The following ATP8B4 variants were observed in gnomAD, a reference collection of about 807,000 sequenced individuals.
The protein encoded by ATP8B4 is ATPase phospholipid transporting 8B4 (putative).
In ATP8B4, 133 loss-of-function variants were observed where a neutral mutation model predicts 145.6. That is an observed-to-expected ratio of 0.91 (90% confidence interval 0.79 to 1.05). The LOEUF is 1.05. ATP8B4 is among the 50% of genes least tolerant of loss of function. The pLI is 0.00. For missense variants in ATP8B4, 1,458 were observed against 1,425.2 expected (o/e 1.02, Z -0.37); for synonymous variants, 507 against 492.9 (o/e 1.03, Z -0.38).
chr15:50,011,258 A>C (rs1206756610), intron 6 of ATP8B4, among the ~76,000 whole-genome samples: 1 of 152,214 alleles, frequency 6.6e-6, no homozygotes, highest in Non-Finnish European at 1.5e-5. Context: ...CTCGATTGAT[A>C]AATACAGAAA....
intron 14 of ATP8B4, among the ~76,000 whole-genome samples, chr15:49,940,298 C>T (rs1372882280): frequency 1.3e-5 from 2 of 152,056 alleles, no homozygotes; most frequent in African/African-American, 2.4e-5. Context: ...TGTAAGAGCA[C>T]AAAATCAAAC....
At chr15:49,891,537 G>A (rs1566938515) in intron 23 of ATP8B4, among the ~76,000 whole-genome samples, 2 of 152,056 alleles carry the variant, frequency 1.3e-5, no homozygotes, top group Non-Finnish European at 2.9e-5. Context: ...CGTTGGCCAG[G>A]CTGGTCTCAA....
At chr15:49,861,472 A>ACC (rs1181585683) in intron 27 of ATP8B4, among the ~76,000 whole-genome samples, 1,726 of 148,984 alleles carry the variant, frequency 0.012, 24 homozygotes, top group African/African-American at 0.034. Context: ...CTATCTATCT[A>ACC]TCTACCTACC....
chr15:49,934,417 T>C (rs1489238750), intron 14 of ATP8B4, among the ~76,000 whole-genome samples: 1 of 151,984 alleles, frequency 6.6e-6, no homozygotes, highest in Non-Finnish European at 1.5e-5. Context: ...CACAAAACTA[T>C]ATGGGATGGC....
chr15:50,180,113 A>G (rs188026136), intron 1 of ATP8B4, among the ~76,000 whole-genome samples: 39 of 152,332 alleles, frequency 2.6e-4, no homozygotes, highest in Admixed American at 2.1e-3. Context: ...GATTGGCTTA[A>G]AACAACTAGC....
At chr15:49,988,341 A>C (rs1291979400) in intron 9 of ATP8B4, among the ~76,000 whole-genome samples, 1 of 152,202 alleles carries the variant, frequency 6.6e-6, no homozygotes, top group African/African-American at 2.4e-5. Context: ...CCCTGCCACA[A>C]AACATAACTA....
chr15:49,897,369 A>G lies in ATP8B4; in HGVS notation c.2620T>C (p.Cys874Arg), dbSNP rs74012834. The G allele has an allele frequency of 5.2e-3, 8,340 of 1,614,044 alleles. 52 individuals are homozygous for G. The highest frequency in any genetic ancestry group is 0.017 in the Middle Eastern group (105 of 6,060). Residue 874 changes from cysteine to arginine, a missense_variant, in exon 23 of 28, where the codon TGC becomes CGC. Transcript: ENST00000284509. ...WSYFRMCKFL[C>R]YFFYKNFAFT... ...GCAAAATTCTTATAGAAGAAATAGCATAAGAATTTGCACATTCGGAAATAA... is the reference window on the plus strand; with the variant it reads ...GCAAAATTCTTATAGAAGAAATAGCGTAAGAATTTGCACATTCGGAAATAA...
chr15:50,170,250 A>G (rs2044651280), intron 1 of ATP8B4, among the ~76,000 whole-genome samples: 1 of 152,182 alleles, frequency 6.6e-6, no homozygotes, highest in Admixed American at 6.5e-5. Flanking sequence ...GATGAAGAAA[A>G]GAATCCTAAG....
intron 20 of ATP8B4, among the ~76,000 whole-genome samples, chr15:49,914,781 G>C (rs1265858549): frequency 6.6e-6 from 1 of 152,048 alleles, no homozygotes; most frequent in Non-Finnish European, 1.5e-5. Context: ...TTTTATTTCA[G>C]CTAGAATAGC....
At chr15:50,041,183 C>T (rs1464549004) in intron 5 of ATP8B4, among the ~76,000 whole-genome samples, 1 of 152,148 alleles carries the variant, frequency 6.6e-6, no homozygotes, top group East Asian at 1.9e-4. Flanking sequence ...TAAATGAGTA[C>T]CATTTCCCTG....
chr15:49,865,788 C>T (rs997517173), intron 26 of ATP8B4, among the ~76,000 whole-genome samples: 2 of 152,164 alleles, frequency 1.3e-5, no homozygotes, highest in Non-Finnish European at 2.9e-5. Flanking sequence ...GAAACTTGCC[C>T]AAAGTCACAC....
rs766971164 is a variant in ATP8B4 at position 49,898,206 on chromosome 15, C to T, written c.2335G>A (p.Ala779Thr). Reference protein sequence around the residue: ...SDVKNDLLELACMCKTVICCR... With the variant: ...SDVKNDLLELTCMCKTVICCR... ...CAAATTACAGTCTTACACATGCAAG[C>T]AAGTTCTAGGAGATCATTCTTGACA... Residue 779 changes from alanine (A) to threonine (T), a missense_variant, in exon 22 of 28, where the codon GCT becomes ACT. Transcript: ENST00000284509. 15 of 1,613,664 alleles carry T rather than the reference C, an allele frequency of 9.3e-6. No homozygotes were observed. The Admixed American group carries it at 1.8e-4, about 20-fold the overall frequency.
chr15:49,897,255 C>A (rs760606964), intron 23 of ATP8B4, 37 bp downstream of exon 23: 52 of 1,528,408 alleles, frequency 3.4e-5, no homozygotes, highest in Middle Eastern at 3.4e-4. Flanking sequence ...CAAAAACAAA[C>A]AAACAAACAA....
intron 27 of ATP8B4, 42 bp from the exon 28 acceptor site, chr15:49,860,517 G>T (rs1360580286): frequency 6.4e-7 from 1 of 1,551,604 alleles, no homozygotes; most frequent in South Asian, 1.2e-5. Flanking sequence ...GCATCCAAAT[G>T]ATAGACTCCA....
chr15:50,127,981 G>A (rs935563516), intron 1 of ATP8B4, among the ~76,000 whole-genome samples: 1 of 152,196 alleles, frequency 6.6e-6, no homozygotes, highest in African/African-American at 2.4e-5. Context: ...TACAGCAGAT[G>A]AGCAGATGAT....
intron 20 of ATP8B4, among the ~76,000 whole-genome samples, chr15:49,904,827 T>C (rs536914711): frequency 6.6e-6 from 1 of 152,352 alleles, no homozygotes; most frequent in South Asian, 2.1e-4. Flanking sequence ...AGAAGAAATA[T>C]CAATTCCTAG....
At chr15:50,034,236 T>G (rs1035036877) in intron 6 of ATP8B4, among the ~76,000 whole-genome samples, 23 of 151,574 alleles carry the variant, frequency 1.5e-4, no homozygotes, top group Non-Finnish European at 1.6e-4. Flanking sequence ...TTGTTTTTTT[T>G]TTTTTTTTTT....
intron 23 of ATP8B4, among the ~76,000 whole-genome samples, chr15:49,891,401 C>A (rs2153422420): frequency 6.6e-6 from 1 of 152,258 alleles, no homozygotes; most frequent in South Asian, 2.1e-4. Context: ...TCTCAGCTCA[C>A]TGCAACCTCC....
At chr15:50,053,308 G>A (rs1219694435) in intron 3 of ATP8B4, among the ~76,000 whole-genome samples, 2 of 152,178 alleles carry the variant, frequency 1.3e-5, no homozygotes, top group African/African-American at 4.8e-5. Context: ...GTAAGAGCCA[G>A]GATTTGGATC....
Sources: gnomAD v4.1 joint callset for allele counts (sites outside exome capture counted in the v4.1 genomes callset) on GRCh38, gnomAD v4.1.1 for gene constraint, MANE v1.5 for transcripts, NCBI Gene and HGNC (gene_info 2026-07-23, HGNC 2026-07-21) for gene names.